The following POFUT4 variants were observed in gnomAD, a reference collection of about 807,000 sequenced individuals.
POFUT4 encodes the protein GDP-fucose protein O-fucosyltransferase 4.
chr10:73,776,045 A>C, the POFUT4 span: 1 of 211,236 alleles, frequency 4.7e-6, no homozygotes, highest in African/African-American at 2.3e-5. Context: ...GTTACGACTT[A>C]CAACTTTTGT....
chr10:73,777,948 C>T, the POFUT4 span, among the ~76,000 whole-genome samples: 29 of 151,450 alleles, frequency 1.9e-4, no homozygotes, highest in African/African-American at 6.1e-4. Flanking sequence ...CAGCCTCTGC[C>T]TCCCAGGTTC....
the POFUT4 span, chr10:73,773,823 T>TGCTGG: frequency 8.4e-6 from 13 of 1,552,322 alleles, no homozygotes; most frequent in African/African-American, 1.8e-4. Context: ...CAGGTAAGAG[T>TGCTGG]GCTGGGGTCC....
At chr10:73,773,632 T>G in the POFUT4 span, 2 of 1,614,232 alleles carry the variant, frequency 1.2e-6, no homozygotes, top group South Asian at 2.2e-5. Context: ...CCTAACTACC[T>G]CAACGGCTTC....
At chr10:73,775,523 C>G in the POFUT4 span, 3 of 1,614,098 alleles carry the variant, frequency 1.9e-6, no homozygotes, top group Non-Finnish European at 2.5e-6. Context: ...TAATCCAACC[C>G]CCATTTTGAT....
chr10:73,778,264 A>C, the POFUT4 span, among the ~76,000 whole-genome samples: 1 of 151,104 alleles, frequency 6.6e-6, no homozygotes, highest in East Asian at 2.0e-4. Context: ...ACGGTGGCTC[A>C]CACCTGTAAT....
the POFUT4 span, chr10:73,778,748 C>CT: frequency 6.6e-6 from 1 of 152,128 alleles, no homozygotes; most frequent in Non-Finnish European, 1.5e-5. Context: ...CAAAGTTGTT[C>CT]TTTTTTCATT....
the POFUT4 span, chr10:73,772,399 C>T: frequency 1.3e-6 from 2 of 1,568,302 alleles, no homozygotes; most frequent in South Asian, 1.2e-5. Context: ...GTGCAGCCAG[C>T]GGCCATGGGT....
the POFUT4 span, chr10:73,773,899 G>GC: frequency 7.0e-7 from 1 of 1,427,524 alleles, no homozygotes; most frequent in East Asian, 2.3e-5. Context: ...TAGGTGCTGA[G>GC]CAGGTGCAGG....
the POFUT4 span, chr10:73,773,013 A>G: frequency 1.9e-6 from 3 of 1,583,738 alleles, no homozygotes; most frequent in Non-Finnish European, 2.6e-6. Context: ...CGGGACCGCT[A>G]CGTGCGCGAG....
chr10:73,778,602 A>G, the POFUT4 span, among the ~76,000 whole-genome samples: 4 of 152,068 alleles, frequency 2.6e-5, no homozygotes, highest in Non-Finnish European at 5.9e-5. Context: ...GTTTAATATT[A>G]TCTATACCTA....
At chr10:73,773,075 A>C in the POFUT4 span, 1 of 1,543,664 alleles carries the variant, frequency 6.5e-7, no homozygotes, top group Non-Finnish European at 8.7e-7. Context: ...AAGGAAAAGG[A>C]GAGGGCGGGT....
chr10:73,773,350 CAG>C, the POFUT4 span: 2 of 1,614,174 alleles, frequency 1.2e-6, no homozygotes, highest in African/African-American at 2.7e-5. Context: ...GACTACATGA[CAG>C]AAAAACTGTG....
chr10:73,773,344 A>C, the POFUT4 span: 1 of 1,614,136 alleles, frequency 6.2e-7, no homozygotes, highest in Non-Finnish European at 8.5e-7. Flanking sequence ...TGTAACGACT[A>C]CATGACAGAA....
chr10:73,774,528 C>T, the POFUT4 span: 1 of 151,988 alleles, frequency 6.6e-6, no homozygotes, highest in Non-Finnish European at 1.5e-5. Flanking sequence ...TAATAAGAGC[C>T]TCTCTGTACA....
the POFUT4 span, chr10:73,772,867 G>A: frequency 2.5e-6 from 4 of 1,612,126 alleles, no homozygotes; most frequent in Non-Finnish European, 2.5e-6. Context: ...CGGATTACCC[G>A]CTGTCGCTGC....
the POFUT4 span, chr10:73,772,365 T>C: frequency 2.0e-6 from 3 of 1,516,448 alleles, no homozygotes; most frequent in Non-Finnish European, 2.6e-6. Flanking sequence ...GTGGTGTTGG[T>C]CCTTCTAGGG....
At chr10:73,780,036 T>C in the POFUT4 span, 559 of 152,334 alleles carry the variant, frequency 3.7e-3, 4 homozygotes, top group Middle Eastern at 0.01. Context: ...ACTTTCCCTA[T>C]AGAGAAAGCA....
At chr10:73,775,223 C>T in the POFUT4 span, 146 of 601,780 alleles carry the variant, frequency 2.4e-4, no homozygotes, top group Non-Finnish European at 3.9e-4. Flanking sequence ...CCCTTGCTTT[C>T]CTTATGGAGA....
At chr10:73,775,766 A>C in the POFUT4 span, 2 of 1,392,770 alleles carry the variant, frequency 1.4e-6, no homozygotes, top group Non-Finnish European at 2.0e-6. Context: ...TCCACTGCAC[A>C]AACCCTTAAT....
Sources: gnomAD v4.1 joint callset for allele counts (sites outside exome capture counted in the v4.1 genomes callset) on GRCh38, gnomAD v4.1.1 for gene constraint, MANE v1.5 for transcripts, NCBI Gene and HGNC (gene_info 2026-07-23, HGNC 2026-07-21) for gene names.